Variants in CDC42EP4 observed in about 807,000 individuals in gnomAD.
CDC42EP4 encodes CDC42 effector protein 4.
CDC42EP4 carries 6 observed loss-of-function variants against 5.6 expected under a neutral mutation model. That is an observed-to-expected ratio of 1.07 (90% confidence interval 0.59 to 2.12). CDC42EP4 has a LOEUF of 2.12. Among genes scored for constraint, CDC42EP4 ranks in the 30% most tolerant of loss-of-function variants. The pLI is 0.00. For synonymous variants in CDC42EP4, 230 were observed against 224.2 expected, an observed-to-expected ratio of 1.03 and a Z score of -0.23; for missense variants, 490 against 508.6, an observed-to-expected ratio of 0.96 and a Z score of 0.35.
chr17:73,299,450 C>A (rs1022990847), intron 1 of CDC42EP4, among the ~76,000 whole-genome samples: 1,221 of 105,968 alleles, frequency 0.012, 29 homozygotes, highest in African/African-American at 0.037. Flanking sequence ...AAAATACACA[C>A]ACACACACAC....
chr17:73,297,588 G>A (rs931267206), intron 1 of CDC42EP4, among the ~76,000 whole-genome samples: 8 of 152,074 alleles, frequency 5.3e-5, no homozygotes, highest in Non-Finnish European at 1.0e-4. Context: ...AGACTAAAAG[G>A]GCACATGGAG....
In CDC42EP4 at chr17:73,285,945, C is replaced by T. The variant is rs752229921; in HGVS notation, c.556G>A (p.Asp186Asn). 2 of 1,613,854 alleles carry T rather than the reference C, an allele frequency of 1.2e-6. No homozygotes were observed. The highest frequency in any genetic ancestry group is 2.2e-5 in the East Asian group (1 of 44,870). The change falls in exon 2 of 2, where the codon GAT becomes AAT. Residue 186 changes from aspartate to asparagine, a missense_variant. Physicochemically the swap from Asp to Asn is conservative, Grantham distance 23 (BLOSUM62 1). Coordinates refer to ENST00000335793, the MANE Select transcript of CDC42EP4 (RefSeq NM_012121.5). This position sits in a 1 kb window ranked among gnomAD's most constrained non-coding sequence, Gnocchi z 6.8. The stretch of plus-strand genomic sequence containing the variant: ...GGCACGACAGGCAGATCTGTCAGAT[C>T]CCCAAAGGCCTGCTCATCGAGGAGG... ...DPLLDEQAFG[D>N]LTDLPVVPKA...
At chr17:73,290,829 T>C (rs957795900) in intron 1 of CDC42EP4, among the ~76,000 whole-genome samples, 1 of 152,174 alleles carries the variant, frequency 6.6e-6, no homozygotes, top group Non-Finnish European at 1.5e-5. Context: ...TGTCAGGTCC[T>C]GTGGTTTCCC....
chr17:73,287,604 T>C (rs1488709615), intron 1 of CDC42EP4, among the ~76,000 whole-genome samples: 4 of 152,174 alleles, frequency 2.6e-5, no homozygotes, highest in Non-Finnish European at 5.9e-5. Flanking sequence ...CTAGAGGGGC[T>C]TGCCCCAAAT....
chr17:73,291,579 T>C (rs904690164), intron 1 of CDC42EP4, among the ~76,000 whole-genome samples: 6 of 152,120 alleles, frequency 3.9e-5, no homozygotes, highest in Non-Finnish European at 8.8e-5. Flanking sequence ...CCACAGGGCA[T>C]TGTGGCTTTG....
intron 1 of CDC42EP4, among the ~76,000 whole-genome samples, chr17:73,303,249 A>G: frequency 6.7e-6 from 1 of 149,746 alleles, no homozygotes; most frequent in East Asian, 1.9e-4. Flanking sequence ...AGGCTGAGGC[A>G]GGAGAATGGC....
At chr17:73,308,895 G>C (rs1044989748) in intron 1 of CDC42EP4, among the ~76,000 whole-genome samples, 3 of 151,726 alleles carry the variant, frequency 2.0e-5, no homozygotes, top group African/African-American at 7.3e-5. Flanking sequence ...AAAATTAGCC[G>C]GGCGTGGTGG....
At chr17:73,288,408 A>ATTT (rs749501604) in intron 1 of CDC42EP4, among the ~76,000 whole-genome samples, 21 of 137,594 alleles carry the variant, frequency 1.5e-4, no homozygotes, top group African/African-American at 5.3e-4. Context: ...ACGTCCAGCT[A>ATTT]TTTTTTTTTT....
At chr17:73,296,785 A>T (rs1180588540) in intron 1 of CDC42EP4, among the ~76,000 whole-genome samples, 1 of 150,864 alleles carries the variant, frequency 6.6e-6, no homozygotes, top group Non-Finnish European at 1.5e-5. Flanking sequence ...GATAGAGACC[A>T]TCCTGGCTAA....
intron 1 of CDC42EP4, among the ~76,000 whole-genome samples, chr17:73,297,499 T>A (rs7225816): frequency 0.43 from 64,550 of 151,698 alleles, 14,172 homozygotes; most frequent in East Asian, 0.68. Context: ...AAATTTAAAA[T>A]AAATAGAAAA....
intron 1 of CDC42EP4, among the ~76,000 whole-genome samples, chr17:73,308,549 C>T (rs1462368085): frequency 6.6e-6 from 1 of 152,206 alleles, no homozygotes; most frequent in Middle Eastern, 3.2e-3. Context: ...TTCTTCACTT[C>T]GAACCCAATC....
intron 1 of CDC42EP4, among the ~76,000 whole-genome samples, chr17:73,306,489 A>C (rs1445212303): frequency 6.6e-6 from 1 of 152,168 alleles, no homozygotes; most frequent in Non-Finnish European, 1.5e-5. Flanking sequence ...AACACAGCAA[A>C]AAGCCTGTCT....
Position 73,297,001 on chromosome 17 carries a change from A to AAAAAAAAAAAAAAAAAAAAACAC in CDC42EP4, c.-112-10390_-112-10389insGTGTTTTTTTTTTTTTTTTTTTT, listed in dbSNP as rs547362762. Among the ~76,000 whole-genome samples, 32 of 61,766 alleles carry AAAAAAAAAAAAAAAAAAAAACAC rather than the reference A, an allele frequency of 5.2e-4. 6 individuals are homozygous for AAAAAAAAAAAAAAAAAAAAACAC. Among genetic ancestry groups the AAAAAAAAAAAAAAAAAAAAACAC allele is most frequent in the Non-Finnish European group, 7.3e-4 (22 of 30,028 alleles). 40.5% of individuals were successfully genotyped at this position (61,766 alleles called of 152,430 possible). On this transcript the variant is annotated intron_variant, in intron 1 of 1. Coordinates refer to ENST00000335793, the MANE Select transcript of CDC42EP4 (RefSeq NM_012121.5). ...GTCTCAAAAAAAAAAAAAAAAAAAA[A>AAAAAAAAAAAAAAAAAAAAACAC]AAATACACAAGGCCAAGCGCCGTGG...
At chr17:73,306,176 C>A (rs550372387) in intron 1 of CDC42EP4, among the ~76,000 whole-genome samples, 2 of 152,180 alleles carry the variant, frequency 1.3e-5, no homozygotes, top group South Asian at 4.1e-4. Context: ...ATTTGCCAGA[C>A]CCCGGGTGCT....
At chr17:73,303,376 A>G (rs1354181249) in intron 1 of CDC42EP4, among the ~76,000 whole-genome samples, 4 of 149,644 alleles carry the variant, frequency 2.7e-5, no homozygotes, top group African/African-American at 7.4e-5. Flanking sequence ...AAAAACTGAT[A>G]ATTGGCCGGG....
intron 1 of CDC42EP4, among the ~76,000 whole-genome samples, chr17:73,307,758 C>CTTTTTT (rs1248336012): frequency 2.7e-5 from 3 of 110,928 alleles, no homozygotes; most frequent in Admixed American, 2.0e-4. Context: ...CTGAATTTCT[C>CTTTTTT]TCTTTTTTTT....
intron 1 of CDC42EP4, among the ~76,000 whole-genome samples, chr17:73,307,834 T>G (rs1035151288): frequency 1.7e-4 from 25 of 148,850 alleles, no homozygotes; most frequent in Non-Finnish European, 3.0e-5. Context: ...CTCCACCTCT[T>G]GGGTTCAAGC....
At chr17:73,294,626 A>C (rs948094068) in intron 1 of CDC42EP4, among the ~76,000 whole-genome samples, 6 of 152,118 alleles carry the variant, frequency 3.9e-5, no homozygotes, top group African/African-American at 1.4e-4. Context: ...CAAACACTGA[A>C]TATGTAATTT....
chr17:73,297,050 T>C (rs2062191341), intron 1 of CDC42EP4, among the ~76,000 whole-genome samples: 1 of 145,380 alleles, frequency 6.9e-6, no homozygotes, highest in South Asian at 2.2e-4. Context: ...TCCCAGCACT[T>C]TGGGAGGCCG....
Sources: allele counts gnomAD v4.1 joint callset (sites outside exome capture counted in the v4.1 genomes callset), GRCh38; gene constraint gnomAD v4.1.1; non-coding constraint Gnocchi (gnomAD v3.1); transcripts MANE v1.5; gene names NCBI Gene and HGNC (gene_info 2026-07-23, HGNC 2026-07-21).